The following PDCD2L variants were observed in gnomAD, a reference collection of about 807,000 sequenced individuals.
The protein encoded by PDCD2L is uS5 assembly chaperone PDCD2L.
PDCD2L carries 44 observed loss-of-function variants against 40.4 expected under a neutral mutation model. The observed-to-expected ratio is 1.09, with a 90% CI of 0.86 to 1.40. PDCD2L has a LOEUF of 1.40. PDCD2L is among the 40% of genes most tolerant of loss of function. The pLI, the probability that PDCD2L is intolerant of heterozygous loss-of-function variation, is 0.00. For missense variants in PDCD2L, 470 were observed against 453.7 expected (o/e 1.04, Z -0.33); for synonymous variants, 194 against 174.6 (o/e 1.11, Z -0.88).
chr19:34,419,773 C>CT (rs754032924), intron 5 of PDCD2L, among the ~76,000 whole-genome samples: 859 of 36,550 alleles, frequency 0.024, 106 homozygotes, highest in African/African-American at 0.075. Flanking sequence ...CTTTATGTTG[C>CT]TTTTTTTTTT....
At chr19:34,425,950 A>G (rs773517554) in intron 6 of PDCD2L, 40 bp from the exon 7 acceptor site, 96 of 1,595,630 alleles carry the variant, frequency 6.0e-5, no homozygotes, top group Non-Finnish European at 8.2e-5. Flanking sequence ...CAGTCTCATA[A>G]CTCTTTTTGC....
intron 6 of PDCD2L, 38 bp from the exon 7 acceptor site, chr19:34,425,950 ACT>A: frequency 1.3e-6 from 2 of 1,595,632 alleles, no homozygotes; most frequent in Admixed American, 1.8e-5. Context: ...CAGTCTCATA[ACT>A]CTTTTTGCTG....
In PDCD2L at chr19:34,409,310, C is replaced by A; in HGVS notation, c.486C>A (p.Leu162=). 6.2e-7 allele frequency: 1 copy of A among 1,613,992 alleles called. No homozygotes were observed. The highest frequency in any genetic ancestry group is 8.5e-7 in the Non-Finnish European group (1 of 1,180,010). ...AAGACGTAGACTGGACTGCTCGGCT[C>A]CAAGACCTCCGCCTGCAGGATGCTG... ...SAKDVDWTAR[L]QDLRLQDAVL... Residue 162 remains leucine (L), a synonymous_variant, in exon 4 of 7, where the codon CTC becomes CTA. Coordinates refer to ENST00000246535, the MANE Select transcript of PDCD2L (RefSeq NM_032346.2).
At chr19:34,411,445 A>G (rs1365728184) in intron 4 of PDCD2L, among the ~76,000 whole-genome samples, 1 of 151,444 alleles carries the variant, frequency 6.6e-6, no homozygotes, top group Non-Finnish European at 1.5e-5. Context: ...GGCTTTTGCC[A>G]TACTGGCCGG....
In PDCD2L at chr19:34,407,374, C is replaced by T. The variant is rs113020433; in HGVS notation, c.337-1787C>T. Among the ~76,000 whole-genome samples, 1,313 of 150,394 alleles carry T rather than the reference C, an allele frequency of 8.7e-3. 19 individuals carry two copies. The highest frequency in any genetic ancestry group is 0.028 in the African/African-American group (1,127 of 40,860). The stretch of plus-strand genomic sequence containing the variant: ...CAGGATGGTGTCGATCTCTTTACCT[C>T]GTGATCCACCCGCCTTGGCTTCCTG... On this transcript the variant is annotated intron_variant, in intron 3 of 6. Transcript: ENST00000246535.
In PDCD2L at chr19:34,421,687, T is replaced by C; in HGVS notation, c.946+20T>C. 1 of 1,575,438 alleles carries C rather than the reference T, an allele frequency of 6.3e-7. No individual in the cohort carries two copies. The highest frequency in any genetic ancestry group is 8.6e-7 in the Non-Finnish European group (1 of 1,159,920). ...ATTTAGGTGAGAAGCCCTTTATTAA[T>C]TTGAGTTTGTGGATTTCTGGCATTA... On this transcript the variant is annotated intron_variant, in intron 6 of 6. Transcript: ENST00000246535.
intron 5 of PDCD2L, 122 bp downstream of exon 5, chr19:34,413,969 A>AACCTAATACCTGCTTTATAGG: frequency 1.6e-6 from 1 of 624,070 alleles, no homozygotes; most frequent in East Asian, 2.8e-5. Flanking sequence ...ACCAAGAGAG[A>AACCTAATACCTGCTTTATAGG]ACCTAATACC....
At chr19:34,408,022 G>A (rs1056875952) in intron 3 of PDCD2L, among the ~76,000 whole-genome samples, 1 of 151,444 alleles carries the variant, frequency 6.6e-6, no homozygotes, top group Non-Finnish European at 1.5e-5. Flanking sequence ...ATTCTCCCAC[G>A]TCAGCCTCCT....
intron 5 of PDCD2L, among the ~76,000 whole-genome samples, chr19:34,418,856 C>T (rs529386339): frequency 2.6e-5 from 4 of 152,220 alleles, no homozygotes; most frequent in Admixed American, 2.6e-4. Context: ...ATTTGCATTT[C>T]CCCAAATGGC....
chr19:34,404,802 G>C lies in PDCD2L; in HGVS notation c.262G>C (p.Gly88Arg), dbSNP rs753289642. 1.2e-6 allele frequency: 2 copies of C among 1,604,034 alleles called. No homozygotes were observed. Among genetic ancestry groups the C allele is most frequent in the Non-Finnish European group, 1.7e-6 (2 of 1,176,892 alleles). The change falls in exon 2 of 7, where the codon GGC becomes CGC. Residue 88 changes from glycine (G) to arginine (R), a missense_variant. Coordinates refer to ENST00000246535, the MANE Select transcript of PDCD2L (RefSeq NM_032346.2). ...GTGCGCCTGCCCCGGCTGTAGCACC[G>C]GCGGTGCGCGCAGGTAGGCGGGGAA... The part of the protein sequence containing the change: ...FACACPGCST[G>R]GARSWKVFRS...
rs565953247 is a variant in PDCD2L at position 34,426,018 on chromosome 19, A to G, written c.975A>G (p.Leu325=). The G allele has an allele frequency of 2.5e-6, 4 of 1,613,256 alleles. No individual in the cohort carries two copies. Among genetic ancestry groups the G allele is most frequent in the African/African-American group, 2.7e-5 (2 of 74,908 alleles). The change falls in exon 7 of 7, where the codon CTA becomes CTG. Residue 325 remains leucine (L), a synonymous_variant. Transcript: ENST00000246535. ...TTTCTGTGGAATTTGGAACAATTCTAGTTTACACATGTGAGAAGAGTTGCT... is the reference window on the plus strand; with the variant it reads ...TTTCTGTGGAATTTGGAACAATTCTGGTTTACACATGTGAGAAGAGTTGCT... ...LGLSVEFGTI[L]VYTCEKSCWP...
intron 5 of PDCD2L, among the ~76,000 whole-genome samples, chr19:34,418,637 C>G (rs1415404443): frequency 6.6e-6 from 1 of 152,102 alleles, no homozygotes; most frequent in Non-Finnish European, 1.5e-5. Context: ...GGGTAGATAC[C>G]TAGGAATAGA....
chr19:34,415,022 T>C (rs1224004562), intron 5 of PDCD2L, among the ~76,000 whole-genome samples: 4 of 152,188 alleles, frequency 2.6e-5, no homozygotes, highest in Non-Finnish European at 5.9e-5. Flanking sequence ...GCTCTCAAAC[T>C]CCTGGCCTCA....
In PDCD2L at chr19:34,414,851, C is replaced by A. The variant is rs567827978; in HGVS notation, c.797+1004C>A. On this transcript the variant is annotated intron_variant, in intron 5 of 6. Coordinates refer to ENST00000246535, the MANE Select transcript of PDCD2L (RefSeq NM_032346.2). ...GAGAGGGTCTCAGTCTGTTGTCCACCCTGGAGTGCAGTGGCGTGATCATTG... is the reference window on the plus strand; with the variant it reads ...GAGAGGGTCTCAGTCTGTTGTCCACACTGGAGTGCAGTGGCGTGATCATTG... Among the ~76,000 whole-genome samples, 3 of 151,008 alleles carry A rather than the reference C, an allele frequency of 2.0e-5. No homozygotes were observed. In the East Asian group the frequency reaches 5.9e-4, roughly 30 times the overall value.
intron 5 of PDCD2L, among the ~76,000 whole-genome samples, chr19:34,419,535 T>G (rs1207504835): frequency 6.6e-6 from 1 of 150,902 alleles, no homozygotes; most frequent in African/African-American, 2.4e-5. Context: ...TGTCTCACTA[T>G]GTGGCCTAGG....
intron 5 of PDCD2L, among the ~76,000 whole-genome samples, chr19:34,417,481 G>A (rs981021626): frequency 5.3e-5 from 8 of 152,058 alleles, no homozygotes; most frequent in Non-Finnish European, 7.4e-5. Context: ...GGTGGCGGGT[G>A]CCTGTAGTCC....
At position 34,409,340 on chromosome 19, in the gene PDCD2L, G is replaced by C. The variant is rs563786533; in HGVS notation, c.516G>C (p.Leu172=). 9 of 1,613,982 alleles carry C rather than the reference G, an allele frequency of 5.6e-6. No individual in the cohort carries two copies. The South Asian group carries it at 7.7e-5, about 14-fold the overall frequency. ...LQDLRLQDAV[L]GAAHPVPPGL... The stretch of plus-strand genomic sequence containing the variant: ...ACCTCCGCCTGCAGGATGCTGTCCT[G>C]GGTGCTGCCCATCCTGTGCCTCCTG... The change falls in exon 4 of 7, where the codon CTG becomes CTC. Residue 172 remains leucine, a synonymous_variant. Transcript: ENST00000246535.
intron 3 of PDCD2L, among the ~76,000 whole-genome samples, chr19:34,408,880 A>T (rs912812971): frequency 1.3e-5 from 2 of 152,216 alleles, no homozygotes; most frequent in African/African-American, 4.8e-5. Flanking sequence ...CAGTTCCTGC[A>T]ATACATGAAG....
At chr19:34,422,720 CCTT>C (rs2075157850) in intron 6 of PDCD2L, among the ~76,000 whole-genome samples, 2 of 143,768 alleles carry the variant, frequency 1.4e-5, no homozygotes, top group African/African-American at 2.6e-5. Context: ...TTTTTTTTTT[CCTT>C]CTTTTTTCTT....
Sources: allele counts gnomAD v4.1 joint callset (sites outside exome capture counted in the v4.1 genomes callset), GRCh38; gene constraint gnomAD v4.1.1; transcripts MANE v1.5; gene names NCBI Gene and HGNC (gene_info 2026-07-23, HGNC 2026-07-21).